NXPE2: variants seen among roughly 807,000 people sequenced by gnomAD.
NXPE2 encodes the protein neurexophilin and PC-esterase domain family member 2, also known as NXPE family member 2.
Under a neutral mutation model 34.4 loss-of-function variants are expected in NXPE2, and 34 were observed. The observed-to-expected ratio is 0.99, with a 90% CI of 0.75 to 1.31. NXPE2 has a LOEUF of 1.31. Among genes scored for constraint, NXPE2 ranks in the 40% most tolerant of loss-of-function variants. The pLI is 0.00. For missense variants in NXPE2, 649 were observed against 672.5 expected (o/e 0.97, Z 0.39); for synonymous variants, 235 against 231.3 (o/e 1.02, Z -0.15).
intron 2 of NXPE2, among the ~76,000 whole-genome samples, chr11:114,682,367 A>G (rs1950963623): frequency 1.3e-5 from 2 of 152,012 alleles, no homozygotes; most frequent in Admixed American, 6.6e-5. Context: ...TTACAATCTC[A>G]TATGCCCACC....
At chr11:114,662,946 T>C in the NXPE2 span, among the ~76,000 whole-genome samples, 3 of 152,120 alleles carry the variant, frequency 2.0e-5, no homozygotes, top group Non-Finnish European at 4.4e-5. Context: ...AGGCTTGCTC[T>C]CTATAAGTAC....
chr11:114,635,160 T>A, the NXPE2 span, among the ~76,000 whole-genome samples: 3 of 150,942 alleles, frequency 2.0e-5, no homozygotes, highest in African/African-American at 7.3e-5. Context: ...TTTGTAGTTC[T>A]CCTTGAAGAG....
At chr11:114,552,386 CTG>C in the NXPE2 span, among the ~76,000 whole-genome samples, 1 of 152,092 alleles carries the variant, frequency 6.6e-6, no homozygotes, top group Admixed American at 6.6e-5. Flanking sequence ...TTCCAAAAGA[CTG>C]TCAATTTCTG....
At chr11:114,726,758 C>T in the NXPE2 span, among the ~76,000 whole-genome samples, 1 of 152,062 alleles carries the variant, frequency 6.6e-6, no homozygotes, top group Non-Finnish European at 1.5e-5. Context: ...TATCTGGTTT[C>T]ATTGCTCAGA....
the NXPE2 span, among the ~76,000 whole-genome samples, chr11:114,507,966 A>C: frequency 6.6e-6 from 1 of 152,216 alleles, no homozygotes; most frequent in African/African-American, 2.4e-5. Context: ...CTGTTTGCAG[A>C]CAATATGATG....
At chr11:114,782,280 A>G in the NXPE2 span, among the ~76,000 whole-genome samples, 5 of 152,216 alleles carry the variant, frequency 3.3e-5, no homozygotes, top group Non-Finnish European at 7.3e-5. Flanking sequence ...CAAGGCAGCT[A>G]GGCCCAAGGC....
chr11:114,637,734 G>A, the NXPE2 span, among the ~76,000 whole-genome samples: 1 of 151,370 alleles, frequency 6.6e-6, no homozygotes, highest in South Asian at 2.1e-4. Context: ...GCTTAGTTTG[G>A]CTGGATATGA....
the NXPE2 span, among the ~76,000 whole-genome samples, chr11:114,723,443 T>A: frequency 6.6e-6 from 1 of 152,016 alleles, no homozygotes; most frequent in Admixed American, 6.6e-5. Flanking sequence ...AACACCAAGA[T>A]CCATTTTGGG....
the NXPE2 span, among the ~76,000 whole-genome samples, chr11:114,476,873 A>G: frequency 6.6e-6 from 1 of 152,278 alleles, no homozygotes; most frequent in Non-Finnish European, 1.5e-5. Flanking sequence ...TGAAGGGAGG[A>G]CGAGCTGGTT....
the NXPE2 span, among the ~76,000 whole-genome samples, chr11:114,776,191 G>A: frequency 6.6e-6 from 1 of 152,248 alleles, no homozygotes; most frequent in Non-Finnish European, 1.5e-5. Context: ...ATTATGGGGA[G>A]TGCTGCATCC....
At chr11:114,466,302 T>A in the NXPE2 span, among the ~76,000 whole-genome samples, 1 of 152,202 alleles carries the variant, frequency 6.6e-6, no homozygotes, top group Middle Eastern at 3.2e-3. Flanking sequence ...GTCTTGATTT[T>A]AATATCTCGA....
the NXPE2 span, among the ~76,000 whole-genome samples, chr11:114,785,983 A>C: frequency 2.6e-5 from 4 of 152,216 alleles, no homozygotes; most frequent in Non-Finnish European, 2.9e-5. Flanking sequence ...GTGTAAAAAA[A>C]AGAAGACACC....
At chr11:114,777,312 C>T in the NXPE2 span, among the ~76,000 whole-genome samples, 1 of 152,156 alleles carries the variant, frequency 6.6e-6, no homozygotes, top group Non-Finnish European at 1.5e-5. Flanking sequence ...ACTATGGTGA[C>T]CCAGGATACC....
At chr11:114,696,356 A>AAAAAAAAAAAAAAAAAAAAAAAC (rs1951255362) in intron 2 of NXPE2, among the ~76,000 whole-genome samples, 1 of 143,142 alleles carries the variant, frequency 7.0e-6, no homozygotes, top group African/African-American at 2.5e-5. Flanking sequence ...AAAAAAAAAA[A>AAAAAAAAAAAAAAAAAAAAAAAC]AAAGAAAGAA....
chr11:114,632,723 A>ATATG, the NXPE2 span, among the ~76,000 whole-genome samples: 1 of 57,570 alleles, frequency 1.7e-5, no homozygotes, highest in Admixed American at 3.6e-4. Flanking sequence ...TAATATATAT[A>ATATG]ATATATAATA....
the NXPE2 span, chr11:114,580,176 G>C: frequency 6.2e-7 from 1 of 1,613,972 alleles, no homozygotes; most frequent in Non-Finnish European, 8.5e-7. Context: ...GCGGATCGTG[G>C]AATCTCCCAT....
the NXPE2 span, among the ~76,000 whole-genome samples, chr11:114,640,060 A>C: frequency 1.7e-5 from 2 of 117,088 alleles, no homozygotes; most frequent in Non-Finnish European, 3.2e-5. Context: ...TATATAATTT[A>C]TTTAAAATAT....
At chr11:114,498,521 T>C in the NXPE2 span, among the ~76,000 whole-genome samples, 5 of 151,984 alleles carry the variant, frequency 3.3e-5, no homozygotes, top group African/African-American at 9.7e-5. Flanking sequence ...TACAGAAAAA[T>C]GCAAAAGAGT....
the NXPE2 span, among the ~76,000 whole-genome samples, chr11:114,807,371 G>T: frequency 3.3e-5 from 5 of 152,348 alleles, no homozygotes; most frequent in African/African-American, 1.2e-4. Flanking sequence ...TGGGCTAAAT[G>T]CTGCAATTAA....
Sources: allele counts gnomAD v4.1 joint callset (sites outside exome capture counted in the v4.1 genomes callset), GRCh38; gene constraint gnomAD v4.1.1; transcripts MANE v1.5; gene names NCBI Gene and HGNC (gene_info 2026-07-23, HGNC 2026-07-21).